The following SORCS2 variants were observed in gnomAD, a reference collection of about 807,000 sequenced individuals.
SORCS2 encodes the protein VPS10 domain-containing receptor SorCS2.
In SORCS2, 100 loss-of-function variants were observed where a neutral mutation model predicts 141.6. That is an observed-to-expected ratio of 0.71 (90% CI 0.60 to 0.83). The LOEUF (loss-of-function observed/expected upper bound fraction) is 0.83, where lower values mean the gene tolerates loss of function less well. Among genes scored for constraint, SORCS2 ranks in the 40% least tolerant of loss-of-function variants. The probability of loss-of-function intolerance (pLI) is 0.00; values close to 1 mark genes in which losing one functional copy is unlikely to be tolerated. For synonymous variants in SORCS2, 789 were observed against 676.9 expected (o/e 1.17, Z -2.57); for missense variants, 1,646 against 1,560.2 (o/e 1.05, Z -0.93).
At chr4:7,448,092 C>G (rs78130599) in intron 2 of SORCS2, among the ~76,000 whole-genome samples, 1,703 of 152,296 alleles carry the variant, frequency 0.011, 38 homozygotes, top group African/African-American at 0.039. Flanking sequence ...CATCCCTGTA[C>G]GTAGGCGAGA....
intron 8 of SORCS2, among the ~76,000 whole-genome samples, chr4:7,673,345 C>CAG (rs2108943980): frequency 6.6e-6 from 1 of 152,270 alleles, no homozygotes; most frequent in South Asian, 2.1e-4. Flanking sequence ...ACCAGAGAGC[C>CAG]AGAGATCTGT....
At chr4:7,612,758 C>G (rs912515623) in intron 3 of SORCS2, among the ~76,000 whole-genome samples, 1 of 152,210 alleles carries the variant, frequency 6.6e-6, no homozygotes, top group African/African-American at 2.4e-5. Flanking sequence ...CTCTATTATG[C>G]TGTATAATCC....
chr4:7,392,216 C>T (rs1723911617), intron 1 of SORCS2, among the ~76,000 whole-genome samples: 1 of 152,220 alleles, frequency 6.6e-6, no homozygotes, highest in South Asian at 2.1e-4. Context: ...TTGTGTCTCC[C>T]AGGGTTCTGG....
chr4:7,429,041 A>G (rs1726646532), intron 2 of SORCS2, among the ~76,000 whole-genome samples: 1 of 152,128 alleles, frequency 6.6e-6, no homozygotes, highest in Non-Finnish European at 1.5e-5. Context: ...TGACCATTTC[A>G]CAGACGAGGA....
intron 2 of SORCS2, among the ~76,000 whole-genome samples, chr4:7,424,611 G>A (rs1290810295): frequency 6.6e-6 from 1 of 152,196 alleles, no homozygotes; most frequent in Non-Finnish European, 1.5e-5. Context: ...GGTGGCAGGA[G>A]CGCCCCCCTC....
At chr4:7,314,251 G>A (rs1218591836) in intron 1 of SORCS2, among the ~76,000 whole-genome samples, 1 of 152,204 alleles carries the variant, frequency 6.6e-6, no homozygotes, top group African/African-American at 2.4e-5. Flanking sequence ...CGGAGAACGA[G>A]GCAGCGGGAT....
intron 1 of SORCS2, among the ~76,000 whole-genome samples, chr4:7,322,251 G>A (rs1481937774): frequency 6.6e-6 from 1 of 152,130 alleles, no homozygotes; most frequent in Non-Finnish European, 1.5e-5. Flanking sequence ...GCCCAGGCCT[G>A]AGAGTGGGAG....
chr4:7,578,653 G>A (rs949741821), intron 3 of SORCS2, among the ~76,000 whole-genome samples: 1 of 152,190 alleles, frequency 6.6e-6, no homozygotes, highest in Non-Finnish European at 1.5e-5. Context: ...GAGTGCCTGC[G>A]CAGCTGGGGC....
intron 1 of SORCS2, among the ~76,000 whole-genome samples, chr4:7,299,450 G>A (rs999975727): frequency 4.6e-5 from 7 of 152,186 alleles, no homozygotes; most frequent in East Asian, 1.9e-4. Context: ...TACATCTCTC[G>A]GGGACCATCT....
chr4:7,737,353 G>T (rs1179567322), intron 26 of SORCS2, 181 bp downstream of exon 26: 8 of 780,116 alleles, frequency 1.0e-5, no homozygotes, highest in Non-Finnish European at 1.6e-5. Flanking sequence ...ATGAGGGGAT[G>T]ACGGGACCTG....
intron 1 of SORCS2, among the ~76,000 whole-genome samples, chr4:7,258,200 C>G (rs964004776): frequency 2.0e-5 from 3 of 152,080 alleles, no homozygotes; most frequent in Non-Finnish European, 4.4e-5. Flanking sequence ...GCAGAACGTG[C>G]AGGTTTGTTA....
At chr4:7,725,076 G>C in intron 19 of SORCS2, 78 bp from the exon 20 acceptor site, 1 of 1,495,556 alleles carries the variant, frequency 6.7e-7, no homozygotes, top group Non-Finnish European at 9.0e-7. Flanking sequence ...AGTTGCTGGT[G>C]ACAGTGATCA....
At chr4:7,294,104 G>T (rs1017270101) in intron 1 of SORCS2, among the ~76,000 whole-genome samples, 6 of 152,342 alleles carry the variant, frequency 3.9e-5, no homozygotes, top group South Asian at 2.1e-4. Context: ...GGCTGGGGAA[G>T]GAGTGGCTTC....
intron 2 of SORCS2, among the ~76,000 whole-genome samples, chr4:7,436,815 G>A (rs896020410): frequency 2.0e-5 from 3 of 152,146 alleles, no homozygotes; most frequent in Admixed American, 1.3e-4. Flanking sequence ...ACGCTGCCCC[G>A]AACACTTCTG....
intron 3 of SORCS2, among the ~76,000 whole-genome samples, chr4:7,574,762 C>T (rs566482372): frequency 3.0e-4 from 46 of 152,274 alleles, no homozygotes; most frequent in African/African-American, 1.1e-3. Context: ...AAGGGCGGCT[C>T]CTCTGACTGC....
intron 12 of SORCS2, among the ~76,000 whole-genome samples, chr4:7,697,812 G>A (rs932104750): frequency 1.3e-5 from 2 of 152,102 alleles, no homozygotes; most frequent in Non-Finnish European, 2.9e-5. Flanking sequence ...TGGGGTGTCT[G>A]GGGGCTATCC....
intron 2 of SORCS2, among the ~76,000 whole-genome samples, chr4:7,465,631 A>G (rs1729571049): frequency 6.6e-6 from 1 of 152,238 alleles, no homozygotes; most frequent in South Asian, 2.1e-4. Flanking sequence ...CTTTATAAAG[A>G]TACGTAGACA....
At chr4:7,719,209 G>A (rs2109051529) in intron 18 of SORCS2, among the ~76,000 whole-genome samples, 1 of 152,336 alleles carries the variant, frequency 6.6e-6, no homozygotes, top group Non-Finnish European at 1.5e-5. Flanking sequence ...AAGGTGGGGT[G>A]GGATGTTGGT....
At chr4:7,678,194 C>T (rs1225522617) in intron 9 of SORCS2, among the ~76,000 whole-genome samples, 1 of 151,974 alleles carries the variant, frequency 6.6e-6, no homozygotes, top group Non-Finnish European at 1.5e-5. Flanking sequence ...CAGCCTGGGG[C>T]AGGAGTCAGG....
Sources: allele counts gnomAD v4.1 joint callset (sites outside exome capture counted in the v4.1 genomes callset), GRCh38; gene constraint gnomAD v4.1.1; transcripts MANE v1.5; gene names NCBI Gene and HGNC (gene_info 2026-07-23, HGNC 2026-07-21).